The following RADIL variants were observed in gnomAD, a reference collection of about 807,000 sequenced individuals.
The protein encoded by RADIL is Rap associating with DIL domain.
Under a neutral mutation model 97.6 loss-of-function variants are expected in RADIL, and 99 were observed. That is an observed-to-expected ratio of 1.01 (90% confidence interval 0.86 to 1.20). The LOEUF (loss-of-function observed/expected upper bound fraction) is 1.20. RADIL is among the 50% of genes most tolerant of loss of function. The pLI is 0.00. For synonymous variants in RADIL, 803 were observed against 691.8 expected, an observed-to-expected ratio of 1.16 and a Z score of -2.52; for missense variants, 1,765 against 1,498.9, an observed-to-expected ratio of 1.18 and a Z score of -2.93.
chr7:4,856,645 A>G (rs1783839155), intron 2 of RADIL, among the ~76,000 whole-genome samples: 1 of 152,204 alleles, frequency 6.6e-6, no homozygotes, highest in Non-Finnish European at 1.5e-5. Flanking sequence ...TTTCTAACTT[A>G]CTGTTCTGTG....
In RADIL at chr7:4,813,074, T is replaced by TTC. The variant is rs201029653; in HGVS notation, c.2139+2202_2139+2203dup. On this transcript the variant is annotated intron_variant, in intron 9 of 14. Transcript: ENST00000399583. This position sits in a 1 kb window ranked among gnomAD's most constrained non-coding sequence, Gnocchi z 5.0. ...TTCATCCTTACCCCAAGGTTCTTCT[T>TTC]TCTCTCTCTCTCTCTCTCTCTCTCT... is the stretch of plus-strand genomic sequence containing the variant. Among the ~76,000 whole-genome samples, 3,806 of 147,716 alleles carry TTC rather than the reference T, an allele frequency of 0.026. 68 individuals are homozygous for TTC. Among genetic ancestry groups the TTC allele is most frequent in the East Asian group, 0.066 (335 of 5,052 alleles).
rs1402213259 is a variant in RADIL, at chr7:4,797,074, TTGTC to T, written c.*2300_*2303del. The T allele has an allele frequency of 6.6e-6, 1 of 152,298 alleles. No homozygotes were observed. The highest frequency in any genetic ancestry group is 2.4e-5 in the African/African-American group (1 of 41,458). 9.4% of individuals were successfully genotyped at this position (152,298 alleles called of 1,614,324 possible). A position where few individuals can be genotyped will look rare whatever the true frequency, so the allele number is the denominator to read the frequency against. On this transcript the variant is annotated 3_prime_UTR_variant, in exon 15 of 15. Coordinates refer to ENST00000399583, the MANE Select transcript of RADIL (RefSeq NM_018059.5). ...GTGTTACCTTTCACAGTGTTGTAGA[TTGTC>T]TGGGGCCTGGCTGGGAAGTCGTTCT...
At chr7:4,860,065 G>C (rs1783941175) in intron 2 of RADIL, 1 of 1,613,972 alleles carries the variant, frequency 6.2e-7, no homozygotes. Context: ...AACTTTCATT[G>C]GTATTCACCT....
At position 4,873,418 on chromosome 7, in the gene RADIL, A is replaced by G. The variant is rs1225058897; in HGVS notation, c.535+4187T>C. Among the ~76,000 whole-genome samples, 2 of 152,210 alleles carry G rather than the reference A, an allele frequency of 1.3e-5. No homozygotes were observed. The highest frequency in any genetic ancestry group is 2.9e-5 in the Non-Finnish European group (2 of 68,032). On this transcript the variant is annotated intron_variant, in intron 2 of 14. Coordinates refer to ENST00000399583, the MANE Select transcript of RADIL (RefSeq NM_018059.5). This position sits in a 1 kb window ranked among gnomAD's most constrained non-coding sequence, Gnocchi z 4.3. The stretch of plus-strand genomic sequence containing the variant: ...CATCACATCACCACATGCACAGGCC[A>G]GGGGTCCCTTCCCTTTCTCGCCACT...
rs770033465 is a variant in RADIL, at chr7:4,822,461, G to C, written c.1548C>G (p.Leu516=). The C allele has an allele frequency of 1.2e-6, 2 of 1,612,952 alleles. No individual in the cohort carries two copies. Among genetic ancestry groups the C allele is most frequent in the African/African-American group, 2.7e-5 (2 of 74,944 alleles). ...GGCATTTCTGCTGGATAAAGTACAG[G>C]AGCTCGATGGAGTTAGACATCCAGA... ...ILFWMSNSIE[L]LYFIQQKCPL... is the part of the protein sequence containing the mutation. Residue 516 remains leucine (L), a synonymous_variant, in exon 6 of 15, where the codon CTC becomes CTG. Coordinates refer to ENST00000399583, the MANE Select transcript of RADIL (RefSeq NM_018059.5). This position sits in a 1 kb window ranked among gnomAD's most constrained non-coding sequence, Gnocchi z 5.3.
chr7:4,834,950 G>A lies in RADIL; in HGVS notation c.1073C>T (p.Pro358Leu), dbSNP rs1466354957. The A allele has an allele frequency of 6.2e-7, 1 of 1,605,226 alleles. No individual in the cohort carries two copies. The highest frequency in any genetic ancestry group is 1.1e-5 in the South Asian group (1 of 90,332). Reference protein sequence around the residue: ...GLYYLLLFKDPAQAQPLPARA... With the variant: ...GLYYLLLFKDLAQAQPLPARA... ...GGCGGGCAGGGGCTGGGCCTGCGCG[G>A]GGTCCTTGAATAGCAGCAGGTAGTA... The change falls in exon 4 of 15, where the codon CCC (proline) becomes CTC (leucine). Residue 358 changes from proline (P) to leucine (L), a missense_variant. Coordinates refer to ENST00000399583, the MANE Select transcript of RADIL (RefSeq NM_018059.5). This position sits in a 1 kb window ranked among gnomAD's most constrained non-coding sequence, Gnocchi z 6.0.
rs79959647 is a variant in RADIL at position 4,826,967 on chromosome 7, T to C, written c.1455-4413A>G. ...AGAAAGAGTGAACCTAAACTTTCCC[T>C]GGTTCCATGGACGGGCATGGAAAAA... On this transcript the variant is annotated intron_variant, in intron 5 of 14. Coordinates refer to ENST00000399583, the MANE Select transcript of RADIL (RefSeq NM_018059.5). Among the ~76,000 whole-genome samples, 25 of 152,230 alleles carry C rather than the reference T, an allele frequency of 1.6e-4. No individual in the cohort carries two copies. The East Asian group carries it at 4.6e-3, about 28-fold the overall frequency.
Position 4,863,840 on chromosome 7 carries a change from G to A in RADIL, c.535+13765C>T, listed in dbSNP as rs758957550. On this transcript the variant is annotated intron_variant, in intron 2 of 14. Transcript: ENST00000399583. ...TCCCAAGAGCTTTCTGTCTCTTCTT[G>A]GACAGCTGCTAAACTTAAGTTTCTC... Among the ~76,000 whole-genome samples, 98 of 152,110 alleles carry A rather than the reference G, an allele frequency of 6.4e-4. 1 individual carries two copies. Among genetic ancestry groups the A allele is most frequent in the Admixed American group, 3.3e-3 (50 of 15,260 alleles).
intron 1 of RADIL, among the ~76,000 whole-genome samples, chr7:4,882,447 T>C (rs910266230): frequency 2.0e-5 from 3 of 152,222 alleles, no homozygotes; most frequent in African/African-American, 7.2e-5. Context: ...GTGCTGCTCT[T>C]AGAGAATGTT....
chr7:4,874,366 G>C (rs73318133), intron 2 of RADIL, among the ~76,000 whole-genome samples: 2,248 of 152,352 alleles, frequency 0.015, 57 homozygotes, highest in African/African-American at 0.052. Flanking sequence ...GCTTATCCAC[G>C]TGGGGACCCC....
rs1784309861 is a variant in RADIL, at chr7:4,873,909, G to A, written c.535+3696C>T. On this transcript the variant is annotated intron_variant, in intron 2 of 14. Transcript: ENST00000399583. This position sits in a 1 kb window ranked among gnomAD's most constrained non-coding sequence, Gnocchi z 4.3. ...GCTGGCGCCCACGGCTGCTGGAGAA[G>A]CTGCTACAGTGAAAAACCCCTCGGC... is the stretch of plus-strand genomic sequence containing the variant. 6.6e-6 allele frequency among the ~76,000 whole-genome samples: 1 copy of A among 152,238 alleles called. No individual in the cohort carries two copies. The highest frequency in any genetic ancestry group is 6.5e-5 in the Admixed American group (1 of 15,282).
At chr7:4,829,736 T>G (rs1783088623) in intron 5 of RADIL, among the ~76,000 whole-genome samples, 1 of 152,064 alleles carries the variant, frequency 6.6e-6, no homozygotes. Flanking sequence ...CTGTTGGTTT[T>G]AGAAAGGGTG....
In RADIL at chr7:4,803,489, G is replaced by C; in HGVS notation, c.2499+57C>G. The C allele has an allele frequency of 2.1e-6, 3 of 1,413,762 alleles. No individual in the cohort carries two copies. In the East Asian group the frequency reaches 7.6e-5, roughly 36 times the overall value. The allele number at this position is 1,413,762 out of a possible 1,614,324, so 87.6% of individuals were successfully genotyped here. Reference sequence around the variant, plus strand: ...CGGGCACCTCGGGGCACGCTGGCTGGGTCCCCTCCCCGGGCACCTCGGGGC... The same window carrying C: ...CGGGCACCTCGGGGCACGCTGGCTGCGTCCCCTCCCCGGGCACCTCGGGGC... On this transcript the variant is annotated intron_variant, in intron 11 of 14. Transcript: ENST00000399583.
intron 2 of RADIL, among the ~76,000 whole-genome samples, chr7:4,877,023 G>T (rs1784391168): frequency 6.6e-6 from 1 of 152,244 alleles, no homozygotes; most frequent in Non-Finnish European, 1.5e-5. Flanking sequence ...TGGTCAATGA[G>T]ATGACTGCTG....
At chr7:4,832,378 T>C (rs1331701180) in intron 4 of RADIL, among the ~76,000 whole-genome samples, 200 bp from the exon 5 acceptor site, 1 of 152,174 alleles carries the variant, frequency 6.6e-6, no homozygotes, top group Non-Finnish European at 1.5e-5. Flanking sequence ...TTACCGACTA[T>C]GACCTACAAG....
chr7:4,879,739 A>C lies in RADIL; in HGVS notation c.-64-1536T>G, dbSNP rs1174446213. Among the ~76,000 whole-genome samples, 1 of 152,198 alleles carries C rather than the reference A, an allele frequency of 6.6e-6. No homozygotes were observed. The highest frequency in any genetic ancestry group is 1.5e-5 in the Non-Finnish European group (1 of 68,038). The stretch of plus-strand genomic sequence containing the variant: ...GGAACCCCTCCAAAGAAAAGGAGCC[A>C]CACTGTCCCTTAGGAAACTAAACAG... On this transcript the variant is annotated intron_variant, in intron 1 of 14. Transcript: ENST00000399583. This position sits in a 1 kb window ranked among gnomAD's most constrained non-coding sequence, Gnocchi z 4.1.
chr7:4,801,055 T>C (rs956489745), intron 12 of RADIL, among the ~76,000 whole-genome samples: 1 of 152,158 alleles, frequency 6.6e-6, no homozygotes, highest in African/African-American at 2.4e-5. Context: ...CATGCACACA[T>C]GTGCAAGCAT....
intron 2 of RADIL, chr7:4,861,370 T>G: frequency 2.5e-6 from 4 of 1,614,204 alleles, no homozygotes; most frequent in Non-Finnish European, 3.4e-6. Context: ...CGACAGCCCT[T>G]AAATCTTTCA....
At chr7:4,802,166 C>T (rs927084165) in intron 11 of RADIL, among the ~76,000 whole-genome samples, 171 bp from the exon 12 acceptor site, 5 of 152,198 alleles carry the variant, frequency 3.3e-5, no homozygotes, top group East Asian at 1.9e-4. Flanking sequence ...GGGGCTTCCC[C>T]GCCATCCGGA....
Sources: allele counts gnomAD v4.1 joint callset (sites outside exome capture counted in the v4.1 genomes callset), GRCh38; gene constraint gnomAD v4.1.1; non-coding constraint Gnocchi (gnomAD v3.1); transcripts MANE v1.5; gene names NCBI Gene and HGNC (gene_info 2026-07-23, HGNC 2026-07-21).